The following IGSF21 variants were observed in gnomAD, a reference collection of about 807,000 sequenced individuals.
The protein encoded by IGSF21 is immunoglobin superfamily member 21, also known as immunoglobulin superfamily member 21.
A neutral mutation model predicts 46.8 loss-of-function variants in IGSF21; 28 were observed. That is an observed-to-expected ratio of 0.60 (90% confidence interval 0.44 to 0.82). The LOEUF (loss-of-function observed/expected upper bound fraction) is 0.82. IGSF21 is among the 40% of genes least tolerant of loss of function. The pLI, the probability that IGSF21 is intolerant of heterozygous loss-of-function variation, is 0.00. For synonymous variants in IGSF21, 284 were observed against 273.6 expected (o/e 1.04, Z -0.38); for missense variants, 624 against 665.5 (o/e 0.94, Z 0.69).
At chr1:18,126,440 G>A (rs924554809) in intron 1 of IGSF21, among the ~76,000 whole-genome samples, 1 of 152,106 alleles carries the variant, frequency 6.6e-6, no homozygotes, top group Non-Finnish European at 1.5e-5. Context: ...GGTTGTCCCA[G>A]GTCATCAGCA....
intron 4 of IGSF21, among the ~76,000 whole-genome samples, chr1:18,341,887 G>A (rs146481597): frequency 6.6e-6 from 1 of 152,296 alleles, no homozygotes; most frequent in East Asian, 1.9e-4. Context: ...CCTGAGGCCA[G>A]AGTGGCAACA....
At chr1:18,317,804 C>T (rs2085558289) in intron 3 of IGSF21, among the ~76,000 whole-genome samples, 2 of 152,224 alleles carry the variant, frequency 1.3e-5, no homozygotes, top group African/African-American at 4.8e-5. Flanking sequence ...GGGGCAGGCA[C>T]CGTCCTAAGT....
At chr1:18,151,758 G>T (rs2086524148) in intron 1 of IGSF21, among the ~76,000 whole-genome samples, 1 of 152,132 alleles carries the variant, frequency 6.6e-6, no homozygotes, top group Non-Finnish European at 1.5e-5. Context: ...TGGAAATACG[G>T]AGAAGCTCAT....
chr1:18,176,549 CAT>C (rs2086799513), intron 1 of IGSF21, among the ~76,000 whole-genome samples: 1 of 152,200 alleles, frequency 6.6e-6, no homozygotes, highest in African/African-American at 2.4e-5. Context: ...TCTCTTGGCA[CAT>C]AGCAGATAAT....
chr1:18,369,556 T>A (rs2086203388), intron 6 of IGSF21, among the ~76,000 whole-genome samples: 1 of 152,216 alleles, frequency 6.6e-6, no homozygotes. Context: ...CCAGGGGATA[T>A]GACCAGTGGA....
At chr1:18,177,677 C>T (rs185573842) in intron 1 of IGSF21, among the ~76,000 whole-genome samples, 164 of 152,204 alleles carry the variant, frequency 1.1e-3, no homozygotes, top group Middle Eastern at 3.4e-3. Flanking sequence ...AATGTCTCAT[C>T]CCCTCTCTCC....
At chr1:18,147,255 C>T (rs1277160590) in intron 1 of IGSF21, among the ~76,000 whole-genome samples, 2 of 152,316 alleles carry the variant, frequency 1.3e-5, no homozygotes, top group African/African-American at 2.4e-5. Flanking sequence ...CATCAAATCC[C>T]ATGCCTTACT....
intron 1 of IGSF21, among the ~76,000 whole-genome samples, chr1:18,128,673 C>A (rs1185393300): frequency 6.6e-6 from 1 of 152,132 alleles, no homozygotes; most frequent in African/African-American, 2.4e-5. Flanking sequence ...ACTGTATTCT[C>A]CATTTGCAGA....
intron 2 of IGSF21, among the ~76,000 whole-genome samples, chr1:18,233,850 C>G (rs896490311): frequency 1.3e-5 from 2 of 152,016 alleles, no homozygotes; most frequent in African/African-American, 4.8e-5. Context: ...ACAGTTAAGC[C>G]ATTTCAATGG....
At chr1:18,161,746 G>A (rs867064054) in intron 1 of IGSF21, among the ~76,000 whole-genome samples, 8 of 152,186 alleles carry the variant, frequency 5.3e-5, no homozygotes, top group South Asian at 2.1e-4. Flanking sequence ...ACAGTCTCGC[G>A]TGGCGGTGGG....
At chr1:18,163,392 G>A (rs577706248) in intron 1 of IGSF21, among the ~76,000 whole-genome samples, 1 of 152,200 alleles carries the variant, frequency 6.6e-6, no homozygotes, top group East Asian at 1.9e-4. Context: ...GAGGTGAGAG[G>A]GTGGAGGGAG....
intron 2 of IGSF21, among the ~76,000 whole-genome samples, chr1:18,265,831 G>A (rs781687281): frequency 2.0e-5 from 3 of 152,192 alleles, no homozygotes; most frequent in Non-Finnish European, 4.4e-5. Context: ...CCTTAAGCTC[G>A]CAGGCTGAGG....
At chr1:18,252,953 T>C (rs1299003825) in intron 2 of IGSF21, among the ~76,000 whole-genome samples, 3 of 152,140 alleles carry the variant, frequency 2.0e-5, no homozygotes, top group Non-Finnish European at 4.4e-5. Flanking sequence ...GCTCAGAGCT[T>C]GATACCTAGA....
intron 1 of IGSF21, among the ~76,000 whole-genome samples, chr1:18,216,835 T>C (rs1057321600): frequency 2.0e-5 from 3 of 152,108 alleles, no homozygotes; most frequent in Admixed American, 6.5e-5. Flanking sequence ...CTAGAAGATA[T>C]GGTTGCAGTA....
intron 1 of IGSF21, among the ~76,000 whole-genome samples, chr1:18,182,333 C>T (rs1340659827): frequency 6.6e-6 from 1 of 152,090 alleles, no homozygotes; most frequent in Non-Finnish European, 1.5e-5. Context: ...CATGCCACCA[C>T]ATCCGGCTAA....
intron 1 of IGSF21, among the ~76,000 whole-genome samples, chr1:18,123,813 G>A (rs1425220640): frequency 6.6e-6 from 1 of 152,182 alleles, no homozygotes; most frequent in Non-Finnish European, 1.5e-5. Flanking sequence ...GGTAAGAAGT[G>A]AGGCTGGAGG....
At chr1:18,283,337 G>T (rs959201344) in intron 2 of IGSF21, among the ~76,000 whole-genome samples, 1 of 152,238 alleles carries the variant, frequency 6.6e-6, no homozygotes, top group Non-Finnish European at 1.5e-5. Context: ...GCCCAGAGAG[G>T]TGAGTGGCAC....
In IGSF21 at chr1:18,315,131, G is replaced by A. The variant is rs540881520; in HGVS notation, c.306-19761G>A. Reference sequence around the variant, plus strand: ...GTGGCGATGGGGCGGGGATAGGAGAGGATCTCAGCAGTGGAGAGCATTTCC... The same window carrying A: ...GTGGCGATGGGGCGGGGATAGGAGAAGATCTCAGCAGTGGAGAGCATTTCC... On this transcript the variant is annotated intron_variant, in intron 3 of 9. Coordinates refer to ENST00000251296, the MANE Select transcript of IGSF21 (RefSeq NM_032880.5). 2.0e-5 allele frequency among the ~76,000 whole-genome samples: 3 copies of A among 152,208 alleles called. No homozygotes were observed. The East Asian group carries it at 5.8e-4, about 30-fold the overall frequency.
At chr1:18,148,390 C>A (rs566233038) in intron 1 of IGSF21, among the ~76,000 whole-genome samples, 4 of 152,284 alleles carry the variant, frequency 2.6e-5, no homozygotes, top group African/African-American at 9.6e-5. Context: ...CCTCGGCCTC[C>A]CAAAGTGCTG....
Sources: allele counts gnomAD v4.1 joint callset (sites outside exome capture counted in the v4.1 genomes callset), GRCh38; gene constraint gnomAD v4.1.1; transcripts MANE v1.5; gene names NCBI Gene and HGNC (gene_info 2026-07-23, HGNC 2026-07-21).